Variants in NPAT observed in about 807,000 individuals in gnomAD.
NPAT encodes protein NPAT.
Under a neutral mutation model 130.7 loss-of-function variants are expected in NPAT, and 52 were observed. The ratio of observed to expected loss-of-function variants is 0.40; its 90% CI spans 0.32 to 0.50. The LOEUF is 0.50. Among genes scored for constraint, NPAT ranks in the 20% least tolerant of loss-of-function variants. The pLI is 0.68. For missense variants in NPAT, 1,687 were observed against 1,662.6 expected, an observed-to-expected ratio of 1.01 and a Z score of -0.26; for synonymous variants, 580 against 584.8, an observed-to-expected ratio of 0.99 and a Z score of 0.12.
chr11:108,177,178 CTT>C (rs2078016344), intron 10 of NPAT, 88 bp from the exon 11 acceptor site: 4 of 595,468 alleles, frequency 6.7e-6, no homozygotes, highest in South Asian at 4.6e-5. Flanking sequence ...GGGTCTCACT[CTT>C]TTGCTCAGGC....
intron 10 of NPAT, among the ~76,000 whole-genome samples, chr11:108,179,531 C>T (rs1218378529): frequency 4.6e-5 from 7 of 152,204 alleles, no homozygotes; most frequent in African/African-American, 7.2e-5. Context: ...TGAGCCACCA[C>T]GCCCGGACTC....
intron 3 of NPAT, among the ~76,000 whole-genome samples, chr11:108,192,611 C>T (rs114551376): frequency 0.015 from 2,285 of 152,246 alleles, 66 homozygotes; most frequent in African/African-American, 0.051. Context: ...CCTCAATTTT[C>T]TCATATTTAA....
intron 2 of NPAT, among the ~76,000 whole-genome samples, chr11:108,195,291 T>A (rs1357325585): frequency 6.6e-6 from 1 of 152,238 alleles, no homozygotes; most frequent in Non-Finnish European, 1.5e-5. Flanking sequence ...AGCCACTGTA[T>A]GACTTTTAAT....
chr11:108,160,626 T>G (rs1414129099), intron 17 of NPAT, among the ~76,000 whole-genome samples: 1 of 152,230 alleles, frequency 6.6e-6, no homozygotes, highest in Non-Finnish European at 1.5e-5. Flanking sequence ...CTGAAAATGC[T>G]GTTTCACCTA....
chr11:108,194,418 G>A (rs1258134946), intron 2 of NPAT, among the ~76,000 whole-genome samples: 1 of 152,134 alleles, frequency 6.6e-6, no homozygotes, highest in Non-Finnish European at 1.5e-5. Flanking sequence ...ATGTTTATTT[G>A]TATCTTCTTC....
chr11:108,186,451 T>G, intron 8 of NPAT, 31 bp downstream of exon 8: 3 of 1,543,168 alleles, frequency 1.9e-6, no homozygotes, highest in Non-Finnish European at 1.8e-6. Context: ...CAGGAATATT[T>G]TAAGTTGCAA....
chr11:108,164,560 A>G (rs2077883347), intron 15 of NPAT, among the ~76,000 whole-genome samples: 1 of 152,236 alleles, frequency 6.6e-6, no homozygotes, highest in African/African-American at 2.4e-5. Flanking sequence ...AAGAAAAGCT[A>G]TCACTGGTTG....
rs1473195407 is a variant in NPAT, at chr11:108,161,901, C to T, written c.3185G>A (p.Arg1062His). ...IVPAAKPCHR[R>H]VLCFDSTTAP... ...AGTAGTGCTGTCGAAACAGAGTACACGTCTGTGGCATGGTTTAGCAGCTGG... is the reference window on the plus strand; with the variant it reads ...AGTAGTGCTGTCGAAACAGAGTACATGTCTGTGGCATGGTTTAGCAGCTGG... Residue 1062 changes from arginine (R) to histidine (H), a missense_variant, in exon 17 of 18, where the codon CGT becomes CAT. Around this residue, in one of 3 missense-constraint regions of NPAT, gnomAD observed 1,379 missense variants for 1,346.6 expected, o/e 1.02. Coordinates refer to ENST00000278612, the MANE Select transcript of NPAT (RefSeq NM_002519.3). The T allele has an allele frequency of 1.2e-5, 19 of 1,612,836 alleles. No individual in the cohort carries two copies. Among genetic ancestry groups the T allele is most frequent in the African/African-American group, 4.0e-5 (3 of 74,876 alleles).
At chr11:108,219,845 C>T (rs1338906389) in intron 1 of NPAT, among the ~76,000 whole-genome samples, 1 of 152,184 alleles carries the variant, frequency 6.6e-6, no homozygotes, top group East Asian at 1.9e-4. Context: ...AGTAAACACA[C>T]ATCTACAATG....
intron 1 of NPAT, among the ~76,000 whole-genome samples, chr11:108,207,854 G>C (rs542750449): frequency 6.6e-6 from 1 of 152,216 alleles, no homozygotes; most frequent in African/African-American, 2.4e-5. Flanking sequence ...CTGCTGCCCT[G>C]TGGAGCACAC....
intron 15 of NPAT, among the ~76,000 whole-genome samples, chr11:108,169,196 T>C (rs1202539064): frequency 6.6e-6 from 1 of 152,136 alleles, no homozygotes; most frequent in Non-Finnish European, 1.5e-5. Context: ...AGTAAACAGA[T>C]GGTTGGGACA....
chr11:108,192,282 C>G lies in NPAT; in HGVS notation c.218-92G>C, dbSNP rs1311272614. The G allele has an allele frequency of 3.7e-6, 3 of 817,808 alleles. No individual in the cohort carries two copies. In the East Asian group the frequency reaches 7.3e-5, roughly 20 times the overall value. 50.7% of individuals were successfully genotyped at this position (817,808 alleles called of 1,614,324 possible). On this transcript the variant is annotated intron_variant, in intron 3 of 17. Coordinates refer to ENST00000278612, the MANE Select transcript of NPAT (RefSeq NM_002519.3). ...AAGACACACAAAAAACCTTGTCTCT[C>G]AATTATTGACAGTATGTTGGAAAAT...
intron 1 of NPAT, among the ~76,000 whole-genome samples, chr11:108,221,355 G>GT (rs2078492209): frequency 6.6e-6 from 1 of 152,306 alleles, no homozygotes; most frequent in East Asian, 1.9e-4. Flanking sequence ...TAAGACTATA[G>GT]TTACCGAAAC....
At chr11:108,167,973 T>TA (rs1327747121) in intron 15 of NPAT, among the ~76,000 whole-genome samples, 5 of 152,170 alleles carry the variant, frequency 3.3e-5, no homozygotes, top group Non-Finnish European at 7.4e-5. Context: ...CAAACTTTAT[T>TA]AGTAATCAGA....
chr11:108,174,820 T>G (rs960606209), intron 12 of NPAT, among the ~76,000 whole-genome samples: 3 of 152,000 alleles, frequency 2.0e-5, no homozygotes, highest in Non-Finnish European at 4.4e-5. Flanking sequence ...GGTTTCACCG[T>G]GTTGGCTAGG....
chr11:108,219,226 C>T (rs1238138483), intron 1 of NPAT, among the ~76,000 whole-genome samples: 1 of 152,166 alleles, frequency 6.6e-6, no homozygotes, highest in Non-Finnish European at 1.5e-5. Flanking sequence ...TTCCCCCATT[C>T]CCTTTCTGCC....
In NPAT at chr11:108,188,131, T is replaced by C. The variant is rs747183862; in HGVS notation, c.605A>G (p.His202Arg). Residue 202 changes from histidine (H) to arginine (R), a missense_variant, in exon 7 of 18, where the codon CAT becomes CGT. This residue lies in a region of NPAT where 307 missense variants were observed against 298.9 expected (regional missense o/e 1.03). Transcript: ENST00000278612. The stretch of plus-strand genomic sequence containing the variant: ...TCTACCGGGAGACATTAAACTGGCA[T>C]GTGCTTTCTTTTCCTGAGCACCAGG... ...VIPGAQEKKAHASLMSPGRRK... is the reference protein window; with the variant it reads ...VIPGAQEKKARASLMSPGRRK... The C allele has an allele frequency of 6.2e-7, 1 of 1,613,702 alleles. No homozygotes were observed. Among genetic ancestry groups the C allele is most frequent in the Admixed American group, 1.7e-5 (1 of 59,996 alleles).
chr11:108,172,323 T>G lies in NPAT; in HGVS notation c.2661A>C (p.Val887=). The change falls in exon 13 of 18, where the codon GTA becomes GTC. Residue 887 remains valine (V), a synonymous_variant. Coordinates refer to ENST00000278612, the MANE Select transcript of NPAT (RefSeq NM_002519.3). ...GTGCAGAATTTCCAGGCAACACCAC[T>G]ACATTAGACTGACTTACAGATGTTC... The part of the protein sequence containing the change: ...ALGTSVSQSN[V]VVLPGNSAPM... 6.2e-7 allele frequency: 1 copy of G among 1,614,180 alleles called. No individual in the cohort carries two copies. The highest frequency in any genetic ancestry group is 8.5e-7 in the Non-Finnish European group (1 of 1,180,014).
chr11:108,185,273 T>C lies in NPAT; in HGVS notation c.865A>G (p.Thr289Ala), dbSNP rs180844384. 82 of 1,612,422 alleles carry C rather than the reference T, an allele frequency of 5.1e-5. No individual in the cohort carries two copies. The African/African-American group carries it at 7.9e-4, about 15-fold the overall frequency. Residue 289 changes from threonine (T) to alanine (A), a missense_variant, in exon 10 of 18, where the codon ACG becomes GCG. Physicochemically the swap from Thr to Ala is moderately conservative, Grantham distance 58 (BLOSUM62 0). Around this residue, in one of 3 missense-constraint regions of NPAT, gnomAD observed 1,379 missense variants for 1,346.6 expected, o/e 1.02. Coordinates refer to ENST00000278612, the MANE Select transcript of NPAT (RefSeq NM_002519.3). ...TCATCAATTGAAGTCTCTGGCTCCG[T>C]AGGGTTGTTATCTGTTTGCTTAGGT... ...QVPKQTDNNPTEPETSIDEFL... is the reference protein window; with the variant it reads ...QVPKQTDNNPAEPETSIDEFL...
Sources: allele counts gnomAD v4.1 joint callset (sites outside exome capture counted in the v4.1 genomes callset), GRCh38; gene constraint gnomAD v4.1.1; regional missense constraint gnomAD v4.1.1; transcripts MANE v1.5; gene names NCBI Gene and HGNC (gene_info 2026-07-23, HGNC 2026-07-21).